Variants in MAP3K1 observed in about 807,000 individuals in gnomAD.
MAP3K1 encodes the protein mitogen-activated protein kinase kinase kinase 1.
MAP3K1 carries 36 observed loss-of-function variants against 144.2 expected under a neutral mutation model. The observed-to-expected ratio is 0.25, with a 90% CI of 0.19 to 0.33. MAP3K1 has a LOEUF of 0.33. MAP3K1 is among the 10% of genes least tolerant of loss of function. The pLI, the probability that MAP3K1 is intolerant of heterozygous loss-of-function variation, is 1.00. For missense variants in MAP3K1, 1,650 were observed against 1,881.9 expected (o/e 0.88, Z 2.28); for synonymous variants, 718 against 688.7 (o/e 1.04, Z -0.67).
chr5:56,840,655 T>C (rs1746784109), intron 1 of MAP3K1, among the ~76,000 whole-genome samples: 2 of 152,186 alleles, frequency 1.3e-5, no homozygotes, highest in African/African-American at 4.8e-5. Context: ...TAAGCGTATC[T>C]GATACCATTA....
chr5:56,869,509 G>GA (rs1747787517), intron 6 of MAP3K1, among the ~76,000 whole-genome samples: 1 of 152,096 alleles, frequency 6.6e-6, no homozygotes, highest in Admixed American at 6.6e-5. Context: ...TTATGTATAT[G>GA]AAGAGTTTAA....
intron 1 of MAP3K1, among the ~76,000 whole-genome samples, chr5:56,834,219 C>G (rs1015576452): frequency 6.6e-6 from 1 of 152,152 alleles, no homozygotes; most frequent in Non-Finnish European, 1.5e-5. Flanking sequence ...TAGCTCAGCA[C>G]TTGTTTATTG....
At chr5:56,891,752 T>C (rs1156361161) in intron 19 of MAP3K1, among the ~76,000 whole-genome samples, 3 of 152,242 alleles carry the variant, frequency 2.0e-5, no homozygotes, top group African/African-American at 2.4e-5. Flanking sequence ...TTTCTACATA[T>C]GGCTAGCCAG....
At chr5:56,878,788 T>C (rs1048803658) in intron 10 of MAP3K1, among the ~76,000 whole-genome samples, 192 bp from the exon 11 acceptor site, 1 of 152,176 alleles carries the variant, frequency 6.6e-6, no homozygotes, top group Non-Finnish European at 1.5e-5. Flanking sequence ...GTTCAGAAAA[T>C]TCCTTCCTGC....
intron 6 of MAP3K1, 53 bp from the exon 7 acceptor site, chr5:56,871,857 G>T: frequency 1.3e-6 from 2 of 1,576,010 alleles, no homozygotes; most frequent in South Asian, 1.1e-5. Flanking sequence ...TAGCATATCC[G>T]TTCTACTTTA....
intron 6 of MAP3K1, among the ~76,000 whole-genome samples, chr5:56,871,374 G>A (rs995043673): frequency 3.3e-5 from 5 of 151,692 alleles, no homozygotes; most frequent in African/African-American, 9.7e-5. Flanking sequence ...ATTTTCTTAC[G>A]ATACATTCCT....
intron 9 of MAP3K1, among the ~76,000 whole-genome samples, chr5:56,873,327 A>G (rs1279593570): frequency 1.3e-5 from 2 of 152,210 alleles, no homozygotes; most frequent in East Asian, 3.8e-4. Flanking sequence ...CCAATGTTTA[A>G]TCCCCGTGCC....
intron 1 of MAP3K1, among the ~76,000 whole-genome samples, chr5:56,832,719 A>T (rs1746532892): frequency 6.6e-6 from 1 of 152,168 alleles, no homozygotes; most frequent in South Asian, 2.1e-4. Context: ...ATCTTGGAAA[A>T]ATTATTCATT....
In MAP3K1 at chr5:56,853,716, T is replaced by C. The variant is rs1446000; in HGVS notation, c.483-2884T>C. 7.3e-3 allele frequency among the ~76,000 whole-genome samples: 1,102 copies of C among 151,920 alleles called. 12 individuals carry two copies. The highest frequency in any genetic ancestry group is 0.025 in the African/African-American group (1,043 of 41,382). The stretch of plus-strand genomic sequence containing the variant: ...GGAAAATCTAGAGAGTGGGTAGAAA[T>C]TAGGTAAAAAGTAGACAGAGAAGGA... On this transcript the variant is annotated intron_variant, in intron 1 of 19. Transcript: ENST00000399503.
At chr5:56,875,614 A>G (rs565625443) in intron 10 of MAP3K1, among the ~76,000 whole-genome samples, 1 of 152,162 alleles carries the variant, frequency 6.6e-6, no homozygotes, top group Non-Finnish European at 1.5e-5. Flanking sequence ...TGTTTGGGCC[A>G]GTAAAGCTCC....
At chr5:56,827,187 CA>C (rs1350025865) in intron 1 of MAP3K1, among the ~76,000 whole-genome samples, 1 of 151,466 alleles carries the variant, frequency 6.6e-6, no homozygotes, top group Non-Finnish European at 1.5e-5. Flanking sequence ...GTCCAGGGAC[CA>C]AGCTGGGACA....
At chr5:56,819,546 T>TG (rs1383098611) in intron 1 of MAP3K1, among the ~76,000 whole-genome samples, 2 of 152,094 alleles carry the variant, frequency 1.3e-5, no homozygotes, top group Non-Finnish European at 2.9e-5. Context: ...AGGTAGTTAA[T>TG]GGGGAATGGA....
chr5:56,882,793 C>T lies in MAP3K1; in HGVS notation c.3593C>T (p.Ser1198Phe), dbSNP rs757522132. The change falls in exon 14 of 20, where the codon TCT becomes TTT. Residue 1198 changes from serine to phenylalanine, a missense_variant. By Grantham distance (155) the Ser-to-Phe change is radical. Transcript: ENST00000399503. ...GCAATTGCCATGGCAATGTCAGCGT[C>T]TCAGGATGCCCTCCCCATAGTTCCT... ...ALAIAMAMSA[S>F]QDALPIVPQL... 3 of 1,611,622 alleles carry T rather than the reference C, an allele frequency of 1.9e-6. No individual in the cohort carries two copies.
chr5:56,836,762 T>G (rs1746667352), intron 1 of MAP3K1, among the ~76,000 whole-genome samples: 1 of 152,180 alleles, frequency 6.6e-6, no homozygotes, highest in African/African-American at 2.4e-5. Flanking sequence ...CCAGCATACT[T>G]CTTTTAGGGG....
chr5:56,865,896 C>T lies in MAP3K1; in HGVS notation c.1220C>T (p.Thr407Ile). ...AGGATCAAAGCTCCATCTCGTAACACCATCCAGAAGTTTGTTTCACGCATG... is the reference window on the plus strand; with the variant it reads ...AGGATCAAAGCTCCATCTCGTAACATCATCCAGAAGTTTGTTTCACGCATG... The part of the protein sequence containing the change: ...SSRIKAPSRN[T>I]IQKFVSRMSN... The change falls in exon 6 of 20, where the codon ACC becomes ATC. Residue 407 changes from threonine to isoleucine, a missense_variant. Transcript: ENST00000399503. The T allele has an allele frequency of 2.5e-6, 4 of 1,613,394 alleles. No homozygotes were observed. The highest frequency in any genetic ancestry group is 3.4e-6 in the Non-Finnish European group (4 of 1,179,360).
At chr5:56,885,452 C>A (rs542984263) in intron 16 of MAP3K1, among the ~76,000 whole-genome samples, 1 of 152,158 alleles carries the variant, frequency 6.6e-6, no homozygotes, top group Non-Finnish European at 1.5e-5. Context: ...GATAGGTTGA[C>A]TACTATAAAC....
At chr5:56,873,762 G>A (rs1288790178) in intron 9 of MAP3K1, among the ~76,000 whole-genome samples, 1 of 152,102 alleles carries the variant, frequency 6.6e-6, no homozygotes, top group Non-Finnish European at 1.5e-5. Context: ...ATATCATTAG[G>A]ATTTGTTACA....
At chr5:56,854,432 C>CAAAAAAAAAAAAAAAAAAA (rs10647091) in intron 1 of MAP3K1, among the ~76,000 whole-genome samples, 2 of 85,320 alleles carry the variant, frequency 2.3e-5, no homozygotes, top group African/African-American at 5.0e-5. Flanking sequence ...AACTCCATCT[C>CAAAAAAAAAAAAAAAAAAA]AAAAAAAAAA....
intron 3 of MAP3K1, among the ~76,000 whole-genome samples, chr5:56,864,486 C>G (rs904449208): frequency 1.3e-5 from 2 of 151,538 alleles, no homozygotes; most frequent in Non-Finnish European, 2.9e-5. Context: ...AGTGATTCTC[C>G]TGCCTCAGCC....
Sources: gnomAD v4.1 joint callset for allele counts (sites outside exome capture counted in the v4.1 genomes callset) on GRCh38, gnomAD v4.1.1 for gene constraint, MANE v1.5 for transcripts, NCBI Gene and HGNC (gene_info 2026-07-23, HGNC 2026-07-21) for gene names.